Variants in COL12A1 observed in about 807,000 individuals in gnomAD.
The protein encoded by COL12A1 is collagen type XII alpha 1 chain, also known as collagen alpha-1(XII) chain.
COL12A1 carries 114 observed loss-of-function variants against 349.7 expected under a neutral mutation model. That is an observed-to-expected ratio of 0.33 (90% CI 0.28 to 0.38). COL12A1 has a LOEUF of 0.38. Among genes scored for constraint, COL12A1 ranks in the 10% least tolerant of loss-of-function variants. The pLI is 1.00. For synonymous variants in COL12A1, 1,369 were observed against 1,329.0 expected (o/e 1.03, Z -0.66); for missense variants, 3,284 against 3,756.9 (o/e 0.87, Z 3.29).
At chr6:75,138,671 G>C in intron 28 of COL12A1, 91 bp from the exon 29 acceptor site, 4 of 1,569,294 alleles carry the variant, frequency 2.5e-6, no homozygotes, top group Non-Finnish European at 3.5e-6. Context: ...ACATTATTTA[G>C]CCAGATGTTC....
intron 3 of COL12A1, among the ~76,000 whole-genome samples, chr6:75,193,896 T>C (rs1770085603): frequency 6.6e-6 from 1 of 152,162 alleles, no homozygotes; most frequent in African/African-American, 2.4e-5. Context: ...TCCCTATAAA[T>C]GACATGAACT....
At chr6:75,193,971 T>C (rs1007597333) in intron 3 of COL12A1, among the ~76,000 whole-genome samples, 1 of 152,232 alleles carries the variant, frequency 6.6e-6, no homozygotes, top group African/African-American at 2.4e-5. Flanking sequence ...TAATCCAGTC[T>C]ATCATCGATG....
At chr6:75,177,159 G>A (rs530086609) in intron 12 of COL12A1, among the ~76,000 whole-genome samples, 2 of 152,012 alleles carry the variant, frequency 1.3e-5, no homozygotes, top group Admixed American at 6.6e-5. Context: ...ACACAAGGCC[G>A]GGCGTGGTGG....
intron 52 of COL12A1, among the ~76,000 whole-genome samples, chr6:75,106,998 T>A (rs1032760021): frequency 1.3e-5 from 2 of 148,460 alleles, no homozygotes; most frequent in African/African-American, 5.0e-5. Flanking sequence ...GCCTCCCAGG[T>A]TCAAATGCTT....
At position 75,089,188 on chromosome 6, in the gene COL12A1, A is replaced by C. The variant is rs947201783; in HGVS notation, c.8942-14T>G. On this transcript the variant is annotated splice_polypyrimidine_tract_variant and intron_variant, in intron 63 of 65. Coordinates refer to ENST00000322507, the MANE Select transcript of COL12A1 (RefSeq NM_004370.6). Reference sequence around the variant, plus strand: ...CTCCTGGCAAACCTAAGGAGGGAGAAAAAGAGAAAGCACAGGGGAAAAATT... The same window carrying C: ...CTCCTGGCAAACCTAAGGAGGGAGACAAAGAGAAAGCACAGGGGAAAAATT... 6.3e-7 allele frequency: 1 copy of C among 1,592,052 alleles called. No individual in the cohort carries two copies. Among genetic ancestry groups the C allele is most frequent in the African/African-American group, 1.4e-5 (1 of 73,190 alleles).
At chr6:75,148,254 T>A in intron 22 of COL12A1, 104 bp downstream of exon 22, 1 of 1,161,690 alleles carries the variant, frequency 8.6e-7, no homozygotes, top group Non-Finnish European at 1.2e-6. Context: ...TTCTGGCCCC[T>A]CTTCATCCCT....
intron 16 of COL12A1, among the ~76,000 whole-genome samples, chr6:75,155,084 C>G (rs1767684885): frequency 1.3e-5 from 2 of 152,152 alleles, no homozygotes; most frequent in African/African-American, 2.4e-5. Context: ...CACAGTAGTT[C>G]ATTCTTTTTA....
chr6:75,193,621 T>G (rs562572616), intron 3 of COL12A1, among the ~76,000 whole-genome samples: 4 of 152,242 alleles, frequency 2.6e-5, no homozygotes, highest in African/African-American at 9.6e-5. Flanking sequence ...AGAGTACGTG[T>G]GCACAACGTG....
At position 75,102,688 on chromosome 6, in the gene COL12A1, G is replaced by A. The variant is rs888653396; in HGVS notation, c.8324C>T (p.Pro2775Leu). The change falls in exon 56 of 66, where the codon CCC (proline) becomes CTC (leucine). Residue 2775 changes from proline (P) to leucine (L), a missense_variant. This residue lies in a region of COL12A1 where 683 missense variants were observed against 932.1 expected (regional missense o/e 0.73). Coordinates refer to ENST00000322507, the MANE Select transcript of COL12A1 (RefSeq NM_004370.6). ...ACCTATGTCTCCACGAGGACCAGGG[G>A]GCCCCTAAAATACACAAGAGAGAGA... is the stretch of plus-strand genomic sequence containing the variant. ...GERGISGAIG[P>L]PGPRGDIGPP... is the part of the protein sequence containing the mutation. 3.9e-6 allele frequency: 6 copies of A among 1,540,032 alleles called. No individual in the cohort carries two copies. The African/African-American group carries it at 7.1e-5, about 18-fold the overall frequency.
At chr6:75,133,818 T>C in intron 33 of COL12A1, 40 bp downstream of exon 33, 1 of 1,611,322 alleles carries the variant, frequency 6.2e-7, no homozygotes. Flanking sequence ...TCAGCTACCA[T>C]TTAAACAAAC....
Position 75,115,465 on chromosome 6 carries a change from A to G in COL12A1, c.7697+319T>C, listed in dbSNP as rs2300795. ...TTCCATCCAGTATTCTGCACCACAG[A>G]GAGAGATGTTCAAAATATTAAGTTG... On this transcript the variant is annotated intron_variant, in intron 49 of 65. Coordinates refer to ENST00000322507, the MANE Select transcript of COL12A1 (RefSeq NM_004370.6). 0.11 allele frequency among the ~76,000 whole-genome samples: 16,780 copies of G among 152,138 alleles called. 2,065 individuals are homozygous for G. Among genetic ancestry groups the G allele is most frequent in the African/African-American group, 0.3 (12,399 of 41,490 alleles).
At chr6:75,174,872 T>A (rs1768831157) in intron 13 of COL12A1, among the ~76,000 whole-genome samples, 166 bp downstream of exon 13, 1 of 152,206 alleles carries the variant, frequency 6.6e-6, no homozygotes, top group Admixed American at 6.5e-5. Flanking sequence ...ACATTCTACA[T>A]CTCTGAATAA....
intron 10 of COL12A1, among the ~76,000 whole-genome samples, chr6:75,181,928 A>C (rs951235372): frequency 4.5e-5 from 6 of 133,496 alleles, no homozygotes; most frequent in African/African-American, 1.5e-4. Flanking sequence ...CGTCTCTACC[A>C]AAAAAAAAAA....
intron 35 of COL12A1, among the ~76,000 whole-genome samples, 173 bp from the exon 36 acceptor site, chr6:75,131,154 C>G (rs1336050426): frequency 6.6e-6 from 1 of 152,120 alleles, no homozygotes; most frequent in Admixed American, 6.6e-5. Context: ...AAAATTTGTC[C>G]TCAGAAATTC....
At position 75,154,517 on chromosome 6, in the gene COL12A1, A is replaced by T; in HGVS notation, c.3464T>A (p.Val1155Glu). 1 of 1,610,186 alleles carries T rather than the reference A, an allele frequency of 6.2e-7. No individual in the cohort carries two copies. The highest frequency in any genetic ancestry group is 8.5e-7 in the Non-Finnish European group (1 of 1,177,520). Residue 1155 changes from valine to glutamate, a missense_variant, in exon 17 of 66, where the codon GTA (valine) becomes GAA (glutamate). Physicochemically the swap from Val to Glu is moderately radical, Grantham distance 121 (BLOSUM62 -2). Coordinates refer to ENST00000322507, the MANE Select transcript of COL12A1 (RefSeq NM_004370.6). ...EELRAGTTYK[V>E]NVFGMFDGGE... is the part of the protein sequence containing the mutation. The stretch of plus-strand genomic sequence containing the variant: ...TCCATCAAACATTCCAAAAACATTT[A>T]CTTTATAGGTGGTACCAGCCCTAAA...
At chr6:75,177,634 T>C in intron 12 of COL12A1, 29 bp downstream of exon 12, 1 of 1,613,914 alleles carries the variant, frequency 6.2e-7, no homozygotes. Context: ...AGTTTGGTTG[T>C]CACCATATGA....
chr6:75,128,986 A>T (rs922588580), intron 37 of COL12A1, among the ~76,000 whole-genome samples: 1 of 152,242 alleles, frequency 6.6e-6, no homozygotes, highest in Non-Finnish European at 1.5e-5. Flanking sequence ...TGAACCAGAC[A>T]TCTCAATCTC....
intron 14 of COL12A1, among the ~76,000 whole-genome samples, chr6:75,159,338 A>C (rs537736840): frequency 1.3e-5 from 2 of 149,876 alleles, no homozygotes; most frequent in East Asian, 3.9e-4. Context: ...GAAATATTAA[A>C]ATTTATTTAG....
chr6:75,096,684 C>T (rs1269273153), intron 59 of COL12A1, among the ~76,000 whole-genome samples: 1 of 152,116 alleles, frequency 6.6e-6, no homozygotes, highest in African/African-American at 2.4e-5. Context: ...ATCACGAGGT[C>T]AGGAGATCGA....
Sources: allele counts gnomAD v4.1 joint callset (sites outside exome capture counted in the v4.1 genomes callset), GRCh38; gene constraint gnomAD v4.1.1; regional missense constraint gnomAD v4.1.1; transcripts MANE v1.5; gene names NCBI Gene and HGNC (gene_info 2026-07-23, HGNC 2026-07-21).